The following AGPAT5 variants were observed in gnomAD, a reference collection of about 807,000 sequenced individuals.
AGPAT5 encodes the protein 1-acyl-sn-glycerol-3-phosphate acyltransferase epsilon.
A neutral mutation model predicts 45.6 loss-of-function variants in AGPAT5; 46 were observed. The ratio of observed to expected loss-of-function variants is 1.01; its 90% CI spans 0.80 to 1.29. The LOEUF (loss-of-function observed/expected upper bound fraction) is 1.29, where lower values mean the gene tolerates loss of function less well. Among genes scored for constraint, AGPAT5 ranks in the 50% most tolerant of loss-of-function variants. AGPAT5 has a pLI of 0.00. For synonymous variants in AGPAT5, 272 were observed against 167.0 expected (o/e 1.63, Z -4.85); for missense variants, 673 against 450.7 (o/e 1.49, Z -4.47).
In AGPAT5 at chr8:6,735,025, G is replaced by A. The variant is rs781759406; in HGVS notation, c.495+2375G>A. Among the ~76,000 whole-genome samples the A allele has an allele frequency of 6.6e-5, 10 of 152,066 alleles. No homozygotes were observed. In the South Asian group the frequency reaches 8.3e-4, roughly 13 times the overall value. ...GTTACTGAACTCTCGCTAGTTTGGT[G>A]GTAGAAGGAGAGGGAAGGGAAGTGT... On this transcript the variant is annotated intron_variant, in intron 4 of 7. Coordinates refer to ENST00000285518, the MANE Select transcript of AGPAT5 (RefSeq NM_018361.5).
At chr8:6,748,582 G>A (rs181031400) in intron 6 of AGPAT5, among the ~76,000 whole-genome samples, 27 of 152,276 alleles carry the variant, frequency 1.8e-4, no homozygotes, top group Non-Finnish European at 1.5e-4. Context: ...TTGGCTCACT[G>A]CAACCTCCGC....
chr8:6,721,974 T>C (rs567933269), intron 1 of AGPAT5, among the ~76,000 whole-genome samples: 108 of 152,152 alleles, frequency 7.1e-4, no homozygotes, highest in African/African-American at 2.5e-3. Context: ...ACTATAGGTG[T>C]GCTCCTCTGT....
At chr8:6,709,737 A>G (rs1216500261) in intron 1 of AGPAT5, among the ~76,000 whole-genome samples, 1 of 151,000 alleles carries the variant, frequency 6.6e-6, no homozygotes, top group Non-Finnish European at 1.5e-5. Context: ...TTTTCCACCT[A>G]CAGCAGCTGT....
rs1427556192 is a variant in AGPAT5 at position 6,724,837 on chromosome 8, A to G, written c.220-33A>G. The G allele has an allele frequency of 1.6e-5, 11 of 701,824 alleles. No homozygotes were observed. The East Asian group carries it at 3.2e-4, about 21-fold the overall frequency. The allele number at this position is 701,824 out of a possible 1,614,324, so 43.5% of individuals were successfully genotyped here. ...TTGTATATTACAGATGTTTTAAAATATCAAAGTAATGTTTTTTTGTTTTAT... is the reference window on the plus strand; with the variant it reads ...TTGTATATTACAGATGTTTTAAAATGTCAAAGTAATGTTTTTTTGTTTTAT... On this transcript the variant is annotated intron_variant, in intron 1 of 7. Transcript: ENST00000285518.
intron 6 of AGPAT5, among the ~76,000 whole-genome samples, chr8:6,749,258 TAGGG>T (rs1801573993): frequency 6.6e-6 from 1 of 152,164 alleles, no homozygotes; most frequent in Non-Finnish European, 1.5e-5. Context: ...TGCAGAAAGT[TAGGG>T]AGGGAGGCTG....
At chr8:6,739,898 AT>A (rs1022464284) in intron 4 of AGPAT5, among the ~76,000 whole-genome samples, 3 of 151,752 alleles carry the variant, frequency 2.0e-5, no homozygotes, top group East Asian at 3.9e-4. Flanking sequence ...CCCTTCCTAA[AT>A]TTTTTCTCAT....
In AGPAT5 at chr8:6,732,620, G is replaced by A. The variant is rs1180709931; in HGVS notation, c.465G>A (p.Lys155=). The A allele has an allele frequency of 6.2e-7, 1 of 1,611,258 alleles. No homozygotes were observed. Among genetic ancestry groups the A allele is most frequent in the South Asian group, 1.1e-5 (1 of 90,524 alleles). Residue 155 remains lysine (K), a synonymous_variant, in exon 4 of 8, where the codon AAG becomes AAA. Coordinates refer to ENST00000285518, the MANE Select transcript of AGPAT5 (RefSeq NM_018361.5). ...TTAACGAGAAAGAGATGCGAAACAA[G>A]TTGCAGAGCTACGTGGACGCAGGAA... is the stretch of plus-strand genomic sequence containing the variant. ...AKFNEKEMRN[K]LQSYVDAGTP... is the part of the protein sequence containing the mutation.
chr8:6,754,895 C>CTT (rs10692820), intron 6 of AGPAT5, among the ~76,000 whole-genome samples, 156 bp from the exon 7 acceptor site: 4,226 of 151,198 alleles, frequency 0.028, 121 homozygotes, highest in African/African-American at 0.071. Flanking sequence ...GTTTATAATC[C>CTT]TTTTTTTTTA....
At chr8:6,710,796 A>G (rs1800131149) in intron 1 of AGPAT5, among the ~76,000 whole-genome samples, 15 of 152,202 alleles carry the variant, frequency 9.9e-5, no homozygotes, top group Admixed American at 9.8e-4. Flanking sequence ...AAGGAAAAAG[A>G]TTTATAGTGA....
intron 1 of AGPAT5, 45 bp from the exon 2 acceptor site, chr8:6,724,825 A>G (rs933220402): frequency 6.9e-6 from 4 of 578,606 alleles, no homozygotes; most frequent in Non-Finnish European, 1.1e-5. Context: ...TATATTACAG[A>G]TGTTTTAAAA....
At chr8:6,741,206 A>T (rs1303310791) in intron 4 of AGPAT5, among the ~76,000 whole-genome samples, 1 of 152,136 alleles carries the variant, frequency 6.6e-6, no homozygotes, top group Non-Finnish European at 1.5e-5. Flanking sequence ...AACGTTTCAC[A>T]TGGTGGGAAT....
chr8:6,712,919 C>T (rs910409530), intron 1 of AGPAT5, among the ~76,000 whole-genome samples: 1 of 152,098 alleles, frequency 6.6e-6, no homozygotes, highest in Non-Finnish European at 1.5e-5. Context: ...TTCTTTTCCC[C>T]CATTCCTATG....
intron 5 of AGPAT5, among the ~76,000 whole-genome samples, chr8:6,743,575 C>T (rs1287738608): frequency 6.6e-6 from 1 of 152,166 alleles, no homozygotes; most frequent in Non-Finnish European, 1.5e-5. Context: ...GAGGAAGAAG[C>T]TGTTCAGATG....
At chr8:6,718,310 G>A (rs907408467) in intron 1 of AGPAT5, among the ~76,000 whole-genome samples, 8 of 152,168 alleles carry the variant, frequency 5.3e-5, no homozygotes, top group African/African-American at 1.7e-4. Context: ...CAGACATGCC[G>A]CTCCCCGTCA....
intron 6 of AGPAT5, among the ~76,000 whole-genome samples, chr8:6,753,121 A>G (rs1170281178): frequency 6.6e-6 from 1 of 152,238 alleles, no homozygotes; most frequent in Non-Finnish European, 1.5e-5. Flanking sequence ...CATTCTGAGC[A>G]CATGTACGTT....
intron 5 of AGPAT5, 26 bp downstream of exon 5, chr8:6,741,777 C>G (rs200006372): frequency 2.0e-6 from 3 of 1,520,796 alleles, no homozygotes; most frequent in East Asian, 4.5e-5. Flanking sequence ...AGTGTTTGAA[C>G]AAATAATTTT....
chr8:6,724,736 G>A, intron 1 of AGPAT5, 134 bp from the exon 2 acceptor site: 1 of 324,360 alleles, frequency 3.1e-6, no homozygotes, highest in Admixed American at 4.6e-5. Flanking sequence ...AGGCTCCTGT[G>A]AGAAATCTAA....
At chr8:6,740,398 T>C (rs1244284856) in intron 4 of AGPAT5, among the ~76,000 whole-genome samples, 1 of 151,290 alleles carries the variant, frequency 6.6e-6, no homozygotes, top group Non-Finnish European at 1.5e-5. Context: ...TGTATGTTTT[T>C]CCTAATTGTA....
At chr8:6,756,334 G>T (rs1801832601) in intron 7 of AGPAT5, among the ~76,000 whole-genome samples, 1 of 151,912 alleles carries the variant, frequency 6.6e-6, no homozygotes, top group Non-Finnish European at 1.5e-5. Flanking sequence ...AAAATACTCA[G>T]AAAAAAAGGG....
Sources: gnomAD v4.1 joint callset for allele counts (sites outside exome capture counted in the v4.1 genomes callset) on GRCh38, gnomAD v4.1.1 for gene constraint, MANE v1.5 for transcripts, NCBI Gene and HGNC (gene_info 2026-07-23, HGNC 2026-07-21) for gene names.